The following NEK5 variants were observed in gnomAD, a reference collection of about 807,000 sequenced individuals.
The protein encoded by NEK5 is NIMA related kinase 5, also known as serine/threonine-protein kinase Nek5.
Under a neutral mutation model 109.2 loss-of-function variants are expected in NEK5, and 88 were observed. The ratio of observed to expected loss-of-function variants is 0.81; its 90% CI spans 0.68 to 0.96. The LOEUF is 0.96. Among genes scored for constraint, NEK5 ranks in the 40% least tolerant of loss-of-function variants. The probability of loss-of-function intolerance (pLI) is 0.00; values close to 1 mark genes in which losing one functional copy is unlikely to be tolerated. For synonymous variants in NEK5, 283 were observed against 299.9 expected, an observed-to-expected ratio of 0.94 and a Z score of 0.58; for missense variants, 834 against 920.7, an observed-to-expected ratio of 0.91 and a Z score of 1.22.
intron 17 of NEK5, among the ~76,000 whole-genome samples, chr13:52,076,888 G>A (rs756244079): frequency 2.0e-5 from 3 of 152,158 alleles, no homozygotes; most frequent in African/African-American, 7.2e-5. Flanking sequence ...TGACCAGAAA[G>A]GTCCCTGCTG....
intron 23 of NEK5, among the ~76,000 whole-genome samples, chr13:52,046,516 G>C (rs1040416737): frequency 1.3e-5 from 2 of 149,672 alleles, no homozygotes; most frequent in African/African-American, 4.9e-5. Context: ...GAAGAAGAAA[G>C]AGTTTAAGAC....
In NEK5 at chr13:52,108,316, AC is replaced by A. The variant is rs774811111; in HGVS notation, c.554+1del. The stretch of plus-strand genomic sequence containing the variant: ...CTTTCAAACTAAGAGTCAGCAACTT[AC>A]GTTTTATTGTTGTAGGGTTTATTCT... On this transcript the variant is annotated splice_donor_variant, in intron 8 of 23. Transcript: ENST00000684899. LOFTEE classifies it high-confidence loss of function. 1 of 1,588,668 alleles carries A rather than the reference AC, an allele frequency of 6.3e-7. No homozygotes were observed. The highest frequency in any genetic ancestry group is 1.7e-5 in the Admixed American group (1 of 59,218).
chr13:52,088,704 A>G (rs765067303), intron 14 of NEK5, among the ~76,000 whole-genome samples: 6 of 152,156 alleles, frequency 3.9e-5, no homozygotes, highest in Non-Finnish European at 1.5e-5. Flanking sequence ...TGAACTGTCC[A>G]AGGTCCCACA....
chr13:52,061,197 G>A lies in NEK5; in HGVS notation c.2110+622C>T, dbSNP rs79035842. ...TAGATTCTCATAAGGAGCACACAGC[G>A]TAGATCTCTCACATGCACAGTTCAC... is the stretch of plus-strand genomic sequence containing the variant. On this transcript the variant is annotated intron_variant, in intron 22 of 23. Coordinates refer to ENST00000684899, the MANE Select transcript of NEK5 (RefSeq NM_001365552.1). Among the ~76,000 whole-genome samples, 909 of 152,282 alleles carry A rather than the reference G, an allele frequency of 6.0e-3. 15 individuals carry two copies. The highest frequency in any genetic ancestry group is 0.021 in the African/African-American group (863 of 41,548).
At chr13:52,089,559 T>C (rs73500143) in intron 13 of NEK5, among the ~76,000 whole-genome samples, 15,319 of 152,192 alleles carry the variant, frequency 0.1, 755 homozygotes, top group Non-Finnish European at 0.12. Context: ...AAAATATTCT[T>C]ATCCAGTGAT....
intron 23 of NEK5, among the ~76,000 whole-genome samples, chr13:52,043,563 AAAAAG>A (rs1012497382): frequency 2.0e-5 from 3 of 151,332 alleles, no homozygotes; most frequent in Non-Finnish European, 4.4e-5. Context: ...AAAGAAAAAG[AAAAAG>A]AAAAGAAAAA....
At chr13:52,107,148 T>C (rs547076261) in intron 8 of NEK5, among the ~76,000 whole-genome samples, 55 of 152,202 alleles carry the variant, frequency 3.6e-4, no homozygotes, top group Non-Finnish European at 5.9e-4. Flanking sequence ...AGAAATGGCT[T>C]TCTTCTAAAC....
At chr13:52,108,240 T>C in intron 8 of NEK5, 78 bp downstream of exon 8, 1 of 817,450 alleles carries the variant, frequency 1.2e-6, no homozygotes, top group Non-Finnish European at 2.0e-6. Flanking sequence ...GAGATTTGAA[T>C]TTTAGTTTCT....
intron 17 of NEK5, chr13:52,082,302 C>G (rs1179335645): frequency 5.3e-6 from 5 of 936,856 alleles, no homozygotes; most frequent in Admixed American, 3.1e-5. Context: ...GCAACAAGAG[C>G]GAAATTCCAT....
intron 23 of NEK5, among the ~76,000 whole-genome samples, chr13:52,049,822 T>C (rs762203026): frequency 3.9e-5 from 6 of 152,200 alleles, no homozygotes; most frequent in Non-Finnish European, 8.8e-5. Context: ...AAGATAATTT[T>C]GAAGAAAATG....
intron 8 of NEK5, among the ~76,000 whole-genome samples, chr13:52,105,211 T>C: frequency 6.6e-6 from 1 of 151,634 alleles, no homozygotes; most frequent in South Asian, 2.1e-4. Context: ...GGTAAATGGC[T>C]CCTCTAGCAG....
At chr13:52,101,870 A>G (rs1200835871) in intron 11 of NEK5, 63 bp downstream of exon 11, 2 of 1,302,956 alleles carry the variant, frequency 1.5e-6, no homozygotes, top group African/African-American at 1.5e-5. Context: ...ATTTCCTTGC[A>G]TTACTCTCTG....
chr13:52,126,411 G>A (rs1348394315), intron 3 of NEK5, among the ~76,000 whole-genome samples: 2 of 152,194 alleles, frequency 1.3e-5, no homozygotes, highest in African/African-American at 4.8e-5. Flanking sequence ...TCTGCATACT[G>A]AGGAAGACAA....
chr13:52,076,487 C>T (rs569271198), intron 17 of NEK5, among the ~76,000 whole-genome samples: 56 of 152,078 alleles, frequency 3.7e-4, no homozygotes, highest in Non-Finnish European at 6.2e-4. Flanking sequence ...CAACTCATGA[C>T]GGTATAAAGG....
Position 52,108,407 on chromosome 13 carries a change from A to G in NEK5, c.468-3T>C, listed in dbSNP as rs142074911. On this transcript the variant is annotated splice_polypyrimidine_tract_variant and splice_region_variant and intron_variant, in intron 7 of 23. Transcript: ENST00000684899. ...AAGTTCGAGCAAGTTCCATGGAACT[A>G]GTAAATTATATTAAATAATAAATCA... 1.2e-4 allele frequency: 185 copies of G among 1,540,590 alleles called. No homozygotes were observed. The African/African-American group carries it at 2.2e-3, about 18-fold the overall frequency.
intron 13 of NEK5, 80 bp downstream of exon 13, chr13:52,092,974 T>G: frequency 1.1e-6 from 1 of 943,976 alleles, no homozygotes; most frequent in Non-Finnish European, 1.6e-6. Flanking sequence ...GTTAGGAGAA[T>G]TTGGATTTCA....
At chr13:52,124,490 CAT>C (rs1956027887) in intron 3 of NEK5, among the ~76,000 whole-genome samples, 1 of 152,204 alleles carries the variant, frequency 6.6e-6, no homozygotes, top group Non-Finnish European at 1.5e-5. Flanking sequence ...TCACCTACAA[CAT>C]GATTGCTAAT....
intron 22 of NEK5, among the ~76,000 whole-genome samples, chr13:52,051,566 A>T (rs1258975748): frequency 6.6e-6 from 1 of 152,180 alleles, no homozygotes; most frequent in Non-Finnish European, 1.5e-5. Context: ...ATTACATTGT[A>T]CTGTGAGAGA....
chr13:52,070,391 C>A (rs572400435), intron 20 of NEK5, among the ~76,000 whole-genome samples: 1 of 152,316 alleles, frequency 6.6e-6, no homozygotes, highest in East Asian at 1.9e-4. Flanking sequence ...TATCGTTTGG[C>A]TGTGTCCCAC....
Sources: gnomAD v4.1 joint callset for allele counts (sites outside exome capture counted in the v4.1 genomes callset) on GRCh38, gnomAD v4.1.1 for gene constraint, MANE v1.5 for transcripts, NCBI Gene and HGNC (gene_info 2026-07-23, HGNC 2026-07-21) for gene names.